LRRTM4: variants seen among roughly 807,000 people sequenced by gnomAD.
LRRTM4 encodes leucine-rich repeat transmembrane neuronal protein 4.
LRRTM4 carries 25 observed loss-of-function variants against 47.6 expected under a neutral mutation model. That is an observed-to-expected ratio of 0.53 (90% confidence interval 0.38 to 0.73). The LOEUF is 0.73. Ranked by LOEUF, LRRTM4 falls within the 30% of genes least tolerant of loss-of-function variation. The pLI, the probability that LRRTM4 is intolerant of heterozygous loss-of-function variation, is 0.00. For synonymous variants in LRRTM4, 311 were observed against 269.5 expected, an observed-to-expected ratio of 1.15 and a Z score of -1.51; for missense variants, 638 against 713.4, an observed-to-expected ratio of 0.89 and a Z score of 1.20.
chr2:76,845,623 T>C (rs1341761084), intron 3 of LRRTM4, among the ~76,000 whole-genome samples: 1 of 152,160 alleles, frequency 6.6e-6, no homozygotes, highest in Non-Finnish European at 1.5e-5. Context: ...AAATATATTC[T>C]TCTGTATTAA....
intron 3 of LRRTM4, among the ~76,000 whole-genome samples, chr2:77,056,552 A>G (rs1457434483): frequency 1.3e-5 from 2 of 152,296 alleles, no homozygotes; most frequent in Non-Finnish European, 2.9e-5. Flanking sequence ...GATGAAAGTA[A>G]TTGAAAAAAG....
intron 3 of LRRTM4, among the ~76,000 whole-genome samples, chr2:77,107,176 C>T (rs956034441): frequency 6.6e-6 from 1 of 151,952 alleles, no homozygotes; most frequent in Non-Finnish European, 1.5e-5. Flanking sequence ...TCTTTGGATG[C>T]TAAATTTCTA....
At chr2:77,064,556 G>C (rs993373901) in intron 3 of LRRTM4, among the ~76,000 whole-genome samples, 2 of 152,112 alleles carry the variant, frequency 1.3e-5, no homozygotes, top group African/African-American at 4.8e-5. Flanking sequence ...ACAGTTATCA[G>C]CTATCTTCTT....
intron 3 of LRRTM4, among the ~76,000 whole-genome samples, chr2:77,487,320 C>T (rs1573481683): frequency 2.0e-5 from 3 of 152,244 alleles, no homozygotes; most frequent in Admixed American, 1.3e-4. Flanking sequence ...AAAGTACCTG[C>T]TCCCACTGCC....
intron 3 of LRRTM4, among the ~76,000 whole-genome samples, chr2:77,038,600 T>C (rs149867445): frequency 2.0e-5 from 3 of 151,518 alleles, no homozygotes; most frequent in African/African-American, 4.8e-5. Flanking sequence ...CTGTATGACA[T>C]AGTAAGATTT....
At chr2:76,814,794 TACACACACACATACACACAC>T (rs1340676835) in intron 3 of LRRTM4, among the ~76,000 whole-genome samples, 19 of 149,660 alleles carry the variant, frequency 1.3e-4, no homozygotes, top group Admixed American at 3.3e-4. Context: ...GGCTTCAAGA[TACACACACACATACACACAC>T]ACACACACAC....
chr2:77,388,358 C>G (rs536861686), intron 3 of LRRTM4, among the ~76,000 whole-genome samples: 9 of 152,034 alleles, frequency 5.9e-5, no homozygotes, highest in Non-Finnish European at 1.0e-4. Flanking sequence ...TATTTCTCTA[C>G]GGCAGACATT....
At chr2:77,297,795 G>A (rs1677014212) in intron 3 of LRRTM4, among the ~76,000 whole-genome samples, 1 of 152,010 alleles carries the variant, frequency 6.6e-6, no homozygotes, top group South Asian at 2.1e-4. Context: ...CCACTTTATG[G>A]GTCTTCATGC....
intron 3 of LRRTM4, among the ~76,000 whole-genome samples, chr2:77,045,634 T>C (rs1241708574): frequency 6.6e-6 from 1 of 151,542 alleles, no homozygotes; most frequent in Non-Finnish European, 1.5e-5. Flanking sequence ...TAAGGAGGAG[T>C]TTTCCTGCAC....
intron 3 of LRRTM4, among the ~76,000 whole-genome samples, chr2:77,267,318 T>A (rs1036368663): frequency 7.9e-5 from 12 of 152,208 alleles, no homozygotes; most frequent in African/African-American, 2.7e-4. Context: ...TTCTTTCTCA[T>A]GGTTCCGGAG....
intron 3 of LRRTM4, among the ~76,000 whole-genome samples, chr2:77,366,776 A>G (rs1157944667): frequency 6.6e-6 from 1 of 151,844 alleles, no homozygotes; most frequent in Non-Finnish European, 1.5e-5. Flanking sequence ...CAAGAACTAT[A>G]TTTATTAAAC....
intron 3 of LRRTM4, among the ~76,000 whole-genome samples, chr2:77,190,445 C>A (rs1673636567): frequency 6.6e-6 from 1 of 151,968 alleles, no homozygotes; most frequent in Non-Finnish European, 1.5e-5. Flanking sequence ...CAGGTGCCTG[C>A]CACCACACCC....
intron 3 of LRRTM4, among the ~76,000 whole-genome samples, chr2:77,132,301 T>C (rs1443666571): frequency 1.3e-5 from 2 of 152,194 alleles, no homozygotes; most frequent in African/African-American, 4.8e-5. Context: ...TTTCCATTCA[T>C]GTTGCTGCAA....
intron 3 of LRRTM4, among the ~76,000 whole-genome samples, chr2:77,007,209 G>C (rs1201150404): frequency 6.6e-6 from 1 of 151,762 alleles, no homozygotes; most frequent in East Asian, 1.9e-4. Context: ...CACACAAGAT[G>C]AAGTGTGGGC....
chr2:77,422,513 G>C (rs1190236929), intron 3 of LRRTM4, among the ~76,000 whole-genome samples: 1 of 152,052 alleles, frequency 6.6e-6, no homozygotes, highest in Non-Finnish European at 1.5e-5. Flanking sequence ...AGTAATACGA[G>C]GCAATGTGAC....
chr2:77,001,773 T>A (rs1239504271), intron 3 of LRRTM4, among the ~76,000 whole-genome samples: 1 of 152,162 alleles, frequency 6.6e-6, no homozygotes, highest in African/African-American at 2.4e-5. Context: ...CATGCCCTTG[T>A]ATATAATCTC....
At position 77,438,920 on chromosome 2, in the gene LRRTM4, C is replaced by A. The variant is rs72811227; in HGVS notation, c.1551+79398G>T. On this transcript the variant is annotated intron_variant, in intron 3 of 3. Transcript: ENST00000409884. ...TTCTGTAAAGCATCAGATATTAGAC[C>A]TTGTTATGGGGGCATACTGCAATTG... Among the ~76,000 whole-genome samples the A allele has an allele frequency of 9.9e-3, 1,503 of 152,152 alleles. 8 individuals carry two copies. The highest frequency in any genetic ancestry group is 0.015 in the Non-Finnish European group (1,053 of 67,996).
intron 3 of LRRTM4, among the ~76,000 whole-genome samples, chr2:76,941,573 T>G (rs573720804): frequency 6.6e-6 from 1 of 152,238 alleles, no homozygotes; most frequent in African/African-American, 2.4e-5. Context: ...TTTTTGGTTT[T>G]TTGTTCCTGT....
chr2:77,452,831 A>T lies in LRRTM4; in HGVS notation c.1551+65487T>A, dbSNP rs924814608. On this transcript the variant is annotated intron_variant, in intron 3 of 3. Transcript: ENST00000409884. ...TTTTAGTCAAGATTTTATAACTCAG[A>T]TTCAGTATACCACAGGTCACTGGAA... is the stretch of plus-strand genomic sequence containing the variant. 1.6e-4 allele frequency among the ~76,000 whole-genome samples: 25 copies of T among 152,142 alleles called. 1 individual carries two copies. The highest frequency in any genetic ancestry group is 6.0e-4 in the African/African-American group (25 of 41,440).
Sources: gnomAD v4.1 joint callset for allele counts (sites outside exome capture counted in the v4.1 genomes callset) on GRCh38, gnomAD v4.1.1 for gene constraint, MANE v1.5 for transcripts, NCBI Gene and HGNC (gene_info 2026-07-23, HGNC 2026-07-21) for gene names.